The following TATDN3 variants were observed in gnomAD, a reference collection of about 807,000 sequenced individuals.
The protein encoded by TATDN3 is TatD DNase domain containing 3.
TATDN3 carries 29 observed loss-of-function variants against 40.1 expected under a neutral mutation model. The ratio of observed to expected loss-of-function variants is 0.72; its 90% CI spans 0.54 to 0.99. The LOEUF is 0.99. Ranked by LOEUF, TATDN3 falls within the 50% of genes least tolerant of loss-of-function variation. The pLI is 0.00. For missense variants in TATDN3, 309 were observed against 321.9 expected (o/e 0.96, Z 0.31); for synonymous variants, 105 against 117.0 (o/e 0.90, Z 0.66).
At chr1:212,794,280 C>CAA (rs60474401) in intron 1 of TATDN3, among the ~76,000 whole-genome samples, 23 of 93,108 alleles carry the variant, frequency 2.5e-4, no homozygotes, top group African/African-American at 4.8e-4. Context: ...GACTCCATCT[C>CAA]AAAAAAAAAA....
intron 4 of TATDN3, among the ~76,000 whole-genome samples, chr1:212,798,388 C>T (rs1019567913): frequency 2.0e-5 from 3 of 151,514 alleles, no homozygotes; most frequent in African/African-American, 7.3e-5. Context: ...AGGTAGCTAG[C>T]TCTACTTATT....
At chr1:212,813,487 C>A (rs1663008773) in intron 9 of TATDN3, among the ~76,000 whole-genome samples, 1 of 151,502 alleles carries the variant, frequency 6.6e-6, no homozygotes, top group Non-Finnish European at 1.5e-5. Context: ...TATTCAGAAA[C>A]TATGATTATA....
At chr1:212,795,796 A>G (rs748090992) in intron 2 of TATDN3, among the ~76,000 whole-genome samples, 3 of 152,308 alleles carry the variant, frequency 2.0e-5, no homozygotes, top group East Asian at 3.9e-4. Context: ...ATGTTTCACA[A>G]TAGCCTTCTG....
chr1:212,798,996 G>A (rs1661999884), intron 4 of TATDN3, among the ~76,000 whole-genome samples: 1 of 152,246 alleles, frequency 6.6e-6, no homozygotes, highest in Non-Finnish European at 1.5e-5. Flanking sequence ...TGACAATTGA[G>A]CTGCAACCTG....
At chr1:212,792,239 C>G (rs1404762143) in intron 1 of TATDN3, among the ~76,000 whole-genome samples, 1 of 152,132 alleles carries the variant, frequency 6.6e-6, no homozygotes, top group East Asian at 1.9e-4. Context: ...TTCCTGGAAT[C>G]GTTCCCTCAC....
intron 8 of TATDN3, among the ~76,000 whole-genome samples, chr1:212,811,721 G>T (rs1180698444): frequency 4.8e-5 from 7 of 146,756 alleles, no homozygotes; most frequent in Non-Finnish European, 1.1e-4. Context: ...TTTTTTTTTT[G>T]AGATGGAGTC....
intron 4 of TATDN3, 157 bp downstream of exon 4, chr1:212,797,353 G>A (rs538688109): frequency 1.0e-4 from 62 of 612,742 alleles, no homozygotes; most frequent in South Asian, 9.2e-4. Flanking sequence ...AACATTATTC[G>A]TAATAGAGAA....
At chr1:212,811,939 G>A (rs1458980498) in intron 8 of TATDN3, among the ~76,000 whole-genome samples, 1 of 152,092 alleles carries the variant, frequency 6.6e-6, no homozygotes, top group Non-Finnish European at 1.5e-5. Flanking sequence ...CTGACCTTAT[G>A]TTCTGTCTGC....
At chr1:212,792,632 CAAAAAA>C (rs752952752) in intron 1 of TATDN3, among the ~76,000 whole-genome samples, 10 of 75,100 alleles carry the variant, frequency 1.3e-4, no homozygotes, top group Middle Eastern at 6.3e-3. Flanking sequence ...GACCCTGTCT[CAAAAAA>C]AAAAAAAAAA....
chr1:212,792,778 G>C (rs12568816), intron 1 of TATDN3: 2 of 152,374 alleles, frequency 1.3e-5, no homozygotes, highest in East Asian at 3.8e-4. Flanking sequence ...CCAGGAGTTT[G>C]AGACCAGCCT....
At position 212,796,512 on chromosome 1, in the gene TATDN3, TTC is replaced by T; in HGVS notation, c.100-4_100-3del. On this transcript the variant is annotated splice_region_variant and splice_polypyrimidine_tract_variant and intron_variant, in intron 2 of 9. Transcript: ENST00000366974. ...TTGTAACTTTATTCTTTTTTTTTTT[TTC>T]AGGCCAATGTTGTGGCCCTTGTGGC... 2 of 1,527,022 alleles carry T rather than the reference TTC, an allele frequency of 1.3e-6. No individual in the cohort carries two copies. The highest frequency in any genetic ancestry group is 1.7e-6 in the Non-Finnish European group (2 of 1,146,252). 94.6% of individuals were successfully genotyped at this position (1,527,022 alleles called of 1,614,324 possible).
chr1:212,809,118 C>T (rs1235943384), intron 8 of TATDN3, among the ~76,000 whole-genome samples: 5 of 152,114 alleles, frequency 3.3e-5, no homozygotes, highest in African/African-American at 7.2e-5. Flanking sequence ...AGCAACCAGA[C>T]GAAAAACCAC....
intron 4 of TATDN3, among the ~76,000 whole-genome samples, chr1:212,798,211 A>C (rs1433591377): frequency 2.0e-5 from 3 of 151,988 alleles, no homozygotes; most frequent in Admixed American, 6.6e-5. Flanking sequence ...CTGTAGTCCC[A>C]GCTACTCGGG....
chr1:212,804,708 A>C (rs115752303), intron 7 of TATDN3, 57 bp downstream of exon 7: 1 of 1,477,182 alleles, frequency 6.8e-7, no homozygotes. Flanking sequence ...ATTCCAGTTT[A>C]TGTTCTCATA....
At chr1:212,807,977 T>C in intron 8 of TATDN3, 129 bp downstream of exon 8, 1 of 579,114 alleles carries the variant, frequency 1.7e-6, no homozygotes, top group Non-Finnish European at 2.9e-6. Flanking sequence ...ACCTCACATA[T>C]ATATAAAAAT....
intron 4 of TATDN3, among the ~76,000 whole-genome samples, chr1:212,800,963 G>A (rs1662139175): frequency 1.3e-5 from 2 of 151,024 alleles, no homozygotes; most frequent in South Asian, 4.2e-4. Flanking sequence ...CCATCACTTT[G>A]GGAGGCTGAG....
intron 9 of TATDN3, among the ~76,000 whole-genome samples, chr1:212,813,473 C>T (rs1370485407): frequency 2.0e-5 from 3 of 151,868 alleles, no homozygotes; most frequent in South Asian, 2.1e-4. Flanking sequence ...AATTATTATC[C>T]GTTTATTCAG....
rs557485838 is a variant in TATDN3 at position 212,812,869 on chromosome 1, G to C, written c.681+541G>C. On this transcript the variant is annotated intron_variant, in intron 9 of 9. Transcript: ENST00000366974. ...AATACAAAAAAATTAGCTGGGCGTG[G>C]TGGCACATGCGCCTGTAATCGCAGC... 1.1e-4 allele frequency among the ~76,000 whole-genome samples: 17 copies of C among 152,206 alleles called. No homozygotes were observed. In the South Asian group the frequency reaches 3.5e-3, roughly 32 times the overall value.
At chr1:212,797,856 G>A (rs965167304) in intron 4 of TATDN3, among the ~76,000 whole-genome samples, 4 of 152,070 alleles carry the variant, frequency 2.6e-5, no homozygotes, top group East Asian at 3.8e-4. Flanking sequence ...CATCCTACCC[G>A]CACTGACTCA....
Sources: gnomAD v4.1 joint callset for allele counts (sites outside exome capture counted in the v4.1 genomes callset) on GRCh38, gnomAD v4.1.1 for gene constraint, MANE v1.5 for transcripts, NCBI Gene and HGNC (gene_info 2026-07-23, HGNC 2026-07-21) for gene names.